The following ICA1L variants were observed in gnomAD, a reference collection of about 807,000 sequenced individuals.
ICA1L encodes islet cell autoantigen 1-like protein.
Under a neutral mutation model 61.3 loss-of-function variants are expected in ICA1L, and 50 were observed. That is an observed-to-expected ratio of 0.82 (90% CI 0.65 to 1.03). ICA1L has a LOEUF of 1.03. Ranked by LOEUF, ICA1L falls within the 50% of genes least tolerant of loss-of-function variation. ICA1L has a pLI of 0.00. For synonymous variants in ICA1L, 161 were observed against 191.3 expected (o/e 0.84, Z 1.31); for missense variants, 508 against 556.7 (o/e 0.91, Z 0.88).
At chr2:202,803,071 A>C (rs975382525) in intron 9 of ICA1L, among the ~76,000 whole-genome samples, 4 of 152,198 alleles carry the variant, frequency 2.6e-5, no homozygotes, top group African/African-American at 9.7e-5. Context: ...TTTAAAAAAA[A>C]AATCCAACTA....
chr2:202,854,798 C>A (rs567286579), intron 1 of ICA1L, among the ~76,000 whole-genome samples: 2 of 152,160 alleles, frequency 1.3e-5, no homozygotes, highest in South Asian at 2.1e-4. Context: ...GAGGCCATGG[C>A]GGGCAGATCA....
At chr2:202,808,772 C>T (rs1000143642) in intron 9 of ICA1L, among the ~76,000 whole-genome samples, 3 of 152,200 alleles carry the variant, frequency 2.0e-5, no homozygotes, top group Non-Finnish European at 4.4e-5. Context: ...AAGACCACCA[C>T]GGCAGTATCT....
intron 1 of ICA1L, among the ~76,000 whole-genome samples, chr2:202,830,767 G>GA (rs1401942558): frequency 1.3e-5 from 2 of 152,034 alleles, no homozygotes; most frequent in Admixed American, 1.3e-4. Flanking sequence ...AAAAGAGCCA[G>GA]AAAAACTTTA....
At chr2:202,854,812 G>T (rs1291134354) in intron 1 of ICA1L, among the ~76,000 whole-genome samples, 1 of 152,124 alleles carries the variant, frequency 6.6e-6, no homozygotes, top group Non-Finnish European at 1.5e-5. Context: ...CAGATCACAA[G>T]GTCAGGAGTT....
At position 202,779,567 on chromosome 2, in the gene ICA1L, A is replaced by C; in HGVS notation, c.1415T>G (p.Ile472Ser). ...DLDPLSNPDA[I>S]GHSDDELLNA ...AAGAAGTTCATCATCTGAGTGTCCA[A>C]TAGCATCTGGGTTTGAAAGTGGATC... is the stretch of plus-strand genomic sequence containing the variant. Residue 472 changes from isoleucine to serine, a missense_variant, in exon 13 of 13, where the codon ATT becomes AGT. Physicochemically the swap from Ile to Ser is moderately radical, Grantham distance 142. Coordinates refer to ENST00000358299, the MANE Select transcript of ICA1L (RefSeq NM_001288622.3). 6.2e-7 allele frequency: 1 copy of C among 1,612,564 alleles called. No homozygotes were observed. The highest frequency in any genetic ancestry group is 8.5e-7 in the Non-Finnish European group (1 of 1,178,854).
intron 1 of ICA1L, chr2:202,844,219 T>C (rs1414422783): frequency 6.6e-6 from 1 of 151,650 alleles, no homozygotes; most frequent in Admixed American, 6.6e-5. Flanking sequence ...CTACCAAAAA[T>C]AAAAAAATTA....
intron 1 of ICA1L, among the ~76,000 whole-genome samples, chr2:202,856,112 G>A (rs1694764550): frequency 6.6e-6 from 1 of 150,446 alleles, no homozygotes. Context: ...AGAAAAAGAG[G>A]GACTCCTCCC....
rs1692567580 is a variant in ICA1L, at chr2:202,786,002, C to G, written c.1249G>C (p.Val417Leu). The G allele has an allele frequency of 2.5e-6, 4 of 1,594,490 alleles. No homozygotes were observed. Among genetic ancestry groups the G allele is most frequent in the Middle Eastern group, 1.7e-4 (1 of 6,046 alleles). ...FHVAGAFNNW[V>L]SQEESELCLS... ...CAAAGTTCTGATTCCTCTTGGGAGA[C>G]CCAGTCTGGGATAAAAGAAGTAAAA... The change falls in exon 12 of 13, where the codon GTC (valine) becomes CTC (leucine). Residue 417 changes from valine to leucine, a missense_variant. Physicochemically the swap from Val to Leu is conservative, Grantham distance 32. Coordinates refer to ENST00000358299, the MANE Select transcript of ICA1L (RefSeq NM_001288622.3).
chr2:202,825,745 G>C lies in ICA1L; in HGVS notation c.185C>G (p.Thr62Arg). Residue 62 changes from threonine to arginine, a missense_variant, in exon 3 of 13, where the codon ACA (threonine) becomes AGA (arginine). Transcript: ENST00000358299. Reference sequence around the variant, plus strand: ...GATTATCTTCAGAAGTTCAGTGCATGTCTCTTGAACAGAGTGAAAAACCTT... The same window carrying C: ...GATTATCTTCAGAAGTTCAGTGCATCTCTCTTGAACAGAGTGAAAAACCTT... ...KLEVFHSVQE[T>R]CTELLKIIEK... 2 of 1,587,254 alleles carry C rather than the reference G, an allele frequency of 1.3e-6. No homozygotes were observed. Among genetic ancestry groups the C allele is most frequent in the East Asian group, 2.3e-5 (1 of 44,426 alleles).
intron 7 of ICA1L, among the ~76,000 whole-genome samples, chr2:202,815,309 T>G (rs550488007): frequency 6.5e-4 from 99 of 152,298 alleles, no homozygotes; most frequent in African/African-American, 2.3e-3. Context: ...ATGCAAGATA[T>G]GAGCCTATCA....
intron 7 of ICA1L, 99 bp downstream of exon 7, chr2:202,815,812 A>C: frequency 1.5e-6 from 1 of 676,808 alleles, no homozygotes; most frequent in South Asian, 2.8e-5. Context: ...TGTTTTGTAA[A>C]TTTTAAATTA....
Position 202,779,605 on chromosome 2 carries a change from C to G in ICA1L, c.1377G>C (p.Leu459=). 6.2e-7 allele frequency: 1 copy of G among 1,613,224 alleles called. No homozygotes were observed. Among genetic ancestry groups the G allele is most frequent in the Non-Finnish European group, 8.5e-7 (1 of 1,179,772 alleles). Residue 459 remains leucine, a synonymous_variant, in exon 13 of 13, where the codon CTG becomes CTC. Transcript: ENST00000358299. ...GNQDMSAWFN[L]FADLDPLSNP... is the part of the protein sequence containing the mutation. ...TTGAAAGTGGATCCAAGTCTGCAAA[C>G]AGATTGAACCAGGCTGACATGTCTT... is the stretch of plus-strand genomic sequence containing the variant.
intron 1 of ICA1L, among the ~76,000 whole-genome samples, chr2:202,850,691 T>C (rs1559147778): frequency 6.6e-6 from 1 of 152,288 alleles, no homozygotes; most frequent in East Asian, 1.9e-4. Context: ...ACAGGGAGAA[T>C]GGAACCAAGT....
chr2:202,813,981 T>A (rs1693454866), intron 8 of ICA1L, among the ~76,000 whole-genome samples: 1 of 152,202 alleles, frequency 6.6e-6, no homozygotes. Flanking sequence ...TACAAGGCTC[T>A]ATCCCAAATG....
chr2:202,862,209 C>A (rs563202491), intron 1 of ICA1L, among the ~76,000 whole-genome samples: 2 of 130,464 alleles, frequency 1.5e-5, no homozygotes, highest in South Asian at 4.9e-4. Flanking sequence ...GAGGGTGAAG[C>A]AGGATTGCTT....
chr2:202,787,273 C>T (rs1178507974), intron 11 of ICA1L, among the ~76,000 whole-genome samples: 1 of 152,170 alleles, frequency 6.6e-6, no homozygotes, highest in East Asian at 1.9e-4. Context: ...GATCAGAGCA[C>T]ATATTTTGAG....
chr2:202,838,618 A>G (rs1424159252), intron 1 of ICA1L, among the ~76,000 whole-genome samples: 1 of 152,144 alleles, frequency 6.6e-6, no homozygotes, highest in East Asian at 1.9e-4. Context: ...TGTAACACAT[A>G]TTTGCAATTA....
At chr2:202,851,620 C>T (rs1694622794) in intron 1 of ICA1L, among the ~76,000 whole-genome samples, 1 of 152,158 alleles carries the variant, frequency 6.6e-6, no homozygotes, top group Non-Finnish European at 1.5e-5. Flanking sequence ...TAGTTTACCT[C>T]CCACCAACAG....
intron 10 of ICA1L, among the ~76,000 whole-genome samples, chr2:202,792,658 T>A (rs2105825317): frequency 6.6e-6 from 1 of 151,914 alleles, no homozygotes; most frequent in South Asian, 2.1e-4. Context: ...TAGAACAAAT[T>A]AGCCGGGCAT....
Sources: gnomAD v4.1 joint callset for allele counts (sites outside exome capture counted in the v4.1 genomes callset) on GRCh38, gnomAD v4.1.1 for gene constraint, MANE v1.5 for transcripts, NCBI Gene and HGNC (gene_info 2026-07-23, HGNC 2026-07-21) for gene names.